The following CTNND2 variants were observed in gnomAD, a reference collection of about 807,000 sequenced individuals.
The protein encoded by CTNND2 is catenin delta-2.
Under a neutral mutation model 144.4 loss-of-function variants are expected in CTNND2, and 22 were observed. The observed-to-expected ratio is 0.15, with a 90% CI of 0.11 to 0.22. The LOEUF is 0.22. Ranked by LOEUF, CTNND2 falls within the 10% of genes least tolerant of loss-of-function variation. CTNND2 has a pLI of 1.00. For synonymous variants in CTNND2, 751 were observed against 695.6 expected, an observed-to-expected ratio of 1.08 and a Z score of -1.25; for missense variants, 1,353 against 1,618.8, an observed-to-expected ratio of 0.84 and a Z score of 2.82.
intron 10 of CTNND2, among the ~76,000 whole-genome samples, chr5:11,202,931 A>G (rs1737624777): frequency 6.6e-6 from 1 of 151,986 alleles, no homozygotes; most frequent in African/African-American, 2.4e-5. Context: ...CAGCCTCCCG[A>G]GTAGCTGGGA....
chr5:11,038,460 C>T (rs1248950056), intron 16 of CTNND2, among the ~76,000 whole-genome samples: 1 of 152,164 alleles, frequency 6.6e-6, no homozygotes, highest in Non-Finnish European at 1.5e-5. Context: ...AAACCATCTT[C>T]CCCACCGACC....
intron 3 of CTNND2, among the ~76,000 whole-genome samples, chr5:11,452,667 T>C (rs1265848593): frequency 1.3e-5 from 2 of 152,236 alleles, no homozygotes; most frequent in Non-Finnish European, 2.9e-5. Flanking sequence ...CTATTCATTC[T>C]AGGTAGCCTG....
intron 2 of CTNND2, among the ~76,000 whole-genome samples, chr5:11,578,957 G>T (rs1425667937): frequency 6.6e-6 from 1 of 152,118 alleles, no homozygotes; most frequent in Non-Finnish European, 1.5e-5. Context: ...ATATTAACTT[G>T]TTTAAACCCA....
chr5:11,684,201 A>G (rs972811762), intron 2 of CTNND2, among the ~76,000 whole-genome samples: 6 of 151,660 alleles, frequency 4.0e-5, no homozygotes, highest in African/African-American at 1.5e-4. Flanking sequence ...TCCTGGGTTC[A>G]TGCCATTCTC....
At chr5:11,241,908 C>G (rs1308517592) in intron 9 of CTNND2, among the ~76,000 whole-genome samples, 1 of 151,238 alleles carries the variant, frequency 6.6e-6, no homozygotes, top group Non-Finnish European at 1.5e-5. Context: ...CAGCACCTGC[C>G]AAGGTGTGGA....
At chr5:11,479,630 T>C (rs1246297251) in intron 3 of CTNND2, among the ~76,000 whole-genome samples, 2 of 152,220 alleles carry the variant, frequency 1.3e-5, no homozygotes, top group Admixed American at 6.5e-5. Flanking sequence ...TGTATAAACA[T>C]TCCCATTTCT....
chr5:11,260,075 T>G (rs1392671472), intron 9 of CTNND2, among the ~76,000 whole-genome samples: 1 of 152,230 alleles, frequency 6.6e-6, no homozygotes, highest in Non-Finnish European at 1.5e-5. Flanking sequence ...TTTCATTACA[T>G]CCGAGATGGC....
At chr5:11,836,730 C>G (rs567487359) in intron 1 of CTNND2, among the ~76,000 whole-genome samples, 2 of 152,066 alleles carry the variant, frequency 1.3e-5, no homozygotes, top group Non-Finnish European at 2.9e-5. Context: ...TTTAAAGTAG[C>G]CTATTTCTTT....
intron 1 of CTNND2, among the ~76,000 whole-genome samples, chr5:11,897,901 A>G (rs1250619771): frequency 6.6e-6 from 1 of 152,182 alleles, no homozygotes; most frequent in Non-Finnish European, 1.5e-5. Context: ...AGGCAAAGGG[A>G]ACTTAATTAA....
chr5:11,679,559 C>T lies in CTNND2; in HGVS notation c.174+52577G>A, dbSNP rs117306116. On this transcript the variant is annotated intron_variant, in intron 2 of 21. Transcript: ENST00000304623. ...CACTCCCTCAGGTGTTAATAACTTTCACCACAACTCAAAGCTTTAGAGTTA... is the reference window on the plus strand; with the variant it reads ...CACTCCCTCAGGTGTTAATAACTTTTACCACAACTCAAAGCTTTAGAGTTA... Among the ~76,000 whole-genome samples, 85 of 152,320 alleles carry T rather than the reference C, an allele frequency of 5.6e-4. 1 individual carries two copies. In the East Asian group the frequency reaches 0.015, roughly 27 times the overall value.
intron 16 of CTNND2, among the ~76,000 whole-genome samples, chr5:11,049,765 A>C (rs2149580016): frequency 6.6e-6 from 1 of 152,350 alleles, no homozygotes; most frequent in Middle Eastern, 3.4e-3. Context: ...CCACTTGTGC[A>C]AAAGCAACAT....
intron 1 of CTNND2, among the ~76,000 whole-genome samples, chr5:11,859,311 A>C (rs1795395189): frequency 6.6e-6 from 1 of 152,178 alleles, no homozygotes; most frequent in Non-Finnish European, 1.5e-5. Flanking sequence ...CACTATCACC[A>C]CAGGTGTTAA....
At chr5:11,432,008 A>G (rs1581181159) in intron 3 of CTNND2, among the ~76,000 whole-genome samples, 1 of 151,816 alleles carries the variant, frequency 6.6e-6, no homozygotes, top group East Asian at 1.9e-4. Flanking sequence ...AGGGCTAAAC[A>G]TTTACCTATC....
At chr5:11,126,338 T>C (rs997814413) in intron 12 of CTNND2, among the ~76,000 whole-genome samples, 1 of 152,244 alleles carries the variant, frequency 6.6e-6, no homozygotes, top group Non-Finnish European at 1.5e-5. Context: ...CATAATTTTT[T>C]AAATTAATAC....
At chr5:11,496,548 C>T (rs1769959583) in intron 3 of CTNND2, among the ~76,000 whole-genome samples, 1 of 152,088 alleles carries the variant, frequency 6.6e-6, no homozygotes, top group African/African-American at 2.4e-5. Context: ...TGTGGAGTCC[C>T]CCTCCACCCT....
At chr5:11,011,828 G>T (rs1741122067) in intron 18 of CTNND2, among the ~76,000 whole-genome samples, 1 of 152,110 alleles carries the variant, frequency 6.6e-6, no homozygotes, top group South Asian at 2.1e-4. Context: ...GTAAACATGG[G>T]ACTCTGTTTC....
At chr5:11,630,038 G>A (rs923001061) in intron 2 of CTNND2, among the ~76,000 whole-genome samples, 6 of 152,034 alleles carry the variant, frequency 3.9e-5, no homozygotes, top group South Asian at 2.1e-4. Context: ...GTTCCATATG[G>A]TTTTCTACTT....
intron 1 of CTNND2, among the ~76,000 whole-genome samples, chr5:11,839,581 T>G (rs1464163142): frequency 6.6e-6 from 1 of 152,158 alleles, no homozygotes; most frequent in East Asian, 1.9e-4. Context: ...GCCCACATGT[T>G]TGATGCCTGG....
chr5:11,832,606 A>C (rs1054415115), intron 1 of CTNND2, among the ~76,000 whole-genome samples: 1 of 152,214 alleles, frequency 6.6e-6, no homozygotes, highest in Non-Finnish European at 1.5e-5. Context: ...GCAAAACCAG[A>C]ATGAAATGCT....
Sources: allele counts gnomAD v4.1 joint callset (sites outside exome capture counted in the v4.1 genomes callset), GRCh38; gene constraint gnomAD v4.1.1; transcripts MANE v1.5; gene names NCBI Gene and HGNC (gene_info 2026-07-23, HGNC 2026-07-21).